The following ACTL8 variants were observed in gnomAD, a reference collection of about 807,000 sequenced individuals.
ACTL8 encodes actin like 8, also known as actin-like protein 8.
Under a neutral mutation model 9.3 loss-of-function variants are expected in ACTL8, and 3 were observed. The observed-to-expected ratio is 0.32, with a 90% CI of 0.15 to 0.83. The LOEUF (loss-of-function observed/expected upper bound fraction) is 0.83, where lower values mean the gene tolerates loss of function less well. ACTL8 is among the 40% of genes least tolerant of loss of function. ACTL8 has a pLI of 0.57. For missense variants in ACTL8, 381 were observed against 492.2 expected, an observed-to-expected ratio of 0.77 and a Z score of 2.14; for synonymous variants, 224 against 205.9, an observed-to-expected ratio of 1.09 and a Z score of -0.75.
rs1040728941 is a variant in ACTL8, at chr1:17,767,741, T to C, written c.-25+12237T>C. Among the ~76,000 whole-genome samples the C allele has an allele frequency of 2.6e-5, 4 of 152,200 alleles. No homozygotes were observed. Among genetic ancestry groups the C allele is most frequent in the African/African-American group, 9.7e-5 (4 of 41,446 alleles). ...TTTATGTGTTGCCTGCTCAGTTATG[T>C]CTCATTGTTGCCTTTATTTACTTAT... On this transcript the variant is annotated intron_variant, in intron 1 of 2. Transcript: ENST00000375406. The surrounding 1 kb of genome is among the most constrained non-coding windows in gnomAD (Gnocchi z 4.7).
chr1:17,783,522 G>A (rs1242790221), intron 1 of ACTL8, among the ~76,000 whole-genome samples: 1 of 152,086 alleles, frequency 6.6e-6, no homozygotes, highest in Non-Finnish European at 1.5e-5. Context: ...CTTAATACTT[G>A]TGTTCCATGC....
intron 1 of ACTL8, among the ~76,000 whole-genome samples, chr1:17,810,955 G>A (rs1163373509): frequency 6.6e-6 from 1 of 152,236 alleles, no homozygotes; most frequent in African/African-American, 2.4e-5. Flanking sequence ...AAACATTGGT[G>A]TAAGGGTTTT....
In ACTL8 at chr1:17,807,775, A is replaced by G. The variant is rs531781511; in HGVS notation, c.-24-15210A>G. 8.5e-5 allele frequency among the ~76,000 whole-genome samples: 13 copies of G among 152,102 alleles called. No homozygotes were observed. In the East Asian group the frequency reaches 2.3e-3, roughly 27 times the overall value. On this transcript the variant is annotated intron_variant, in intron 1 of 2. Transcript: ENST00000375406. ...AACCAAACACCACACGTTCTCACTC[A>G]TAAGTGGGAGTTGAATAATGAGAAC...
rs191473366 is a variant in ACTL8 at position 17,814,746 on chromosome 1, C to G, written c.-24-8239C>G. Among the ~76,000 whole-genome samples the G allele has an allele frequency of 3.5e-3, 538 of 151,706 alleles. 4 individuals carry two copies. The highest frequency in any genetic ancestry group is 0.012 in the African/African-American group (512 of 41,332). On this transcript the variant is annotated intron_variant, in intron 1 of 2. Coordinates refer to ENST00000375406, the MANE Select transcript of ACTL8 (RefSeq NM_030812.3). ...CATAGCAAGACTCCATATCTACCAA[C>G]AAAACAAGACAATACATACCATTAT... is the stretch of plus-strand genomic sequence containing the variant.
chr1:17,767,561 C>A lies in ACTL8; in HGVS notation c.-25+12057C>A, dbSNP rs1394980528. On this transcript the variant is annotated intron_variant, in intron 1 of 2. Transcript: ENST00000375406. The surrounding 1 kb of genome is among the most constrained non-coding windows in gnomAD (Gnocchi z 4.7). ...TAAGCCCGTGGCTGGGTGCATGGCT[C>A]CCGGGCACTGCTCTTTTGTGGCTGC... Among the ~76,000 whole-genome samples the A allele has an allele frequency of 6.6e-6, 1 of 152,136 alleles. No homozygotes were observed. Among genetic ancestry groups the A allele is most frequent in the Non-Finnish European group, 1.5e-5 (1 of 68,016 alleles).
intron 1 of ACTL8, among the ~76,000 whole-genome samples, chr1:17,765,561 T>C (rs2066038601): frequency 6.6e-6 from 1 of 152,246 alleles, no homozygotes; most frequent in Non-Finnish European, 1.5e-5. Flanking sequence ...TGGCAGGCTA[T>C]GTAGCATCTC....
intron 1 of ACTL8, among the ~76,000 whole-genome samples, chr1:17,788,402 C>G (rs930414390): frequency 6.6e-6 from 1 of 152,210 alleles, no homozygotes; most frequent in South Asian, 2.1e-4. Flanking sequence ...TGCCTCAGCT[C>G]AGAGCTTCCC....
intron 1 of ACTL8, among the ~76,000 whole-genome samples, chr1:17,761,997 A>T (rs1389910676): frequency 6.6e-6 from 1 of 151,864 alleles, no homozygotes; most frequent in Non-Finnish European, 1.5e-5. Context: ...GGTCACCTGG[A>T]TCCCAGATGC....
At chr1:17,786,545 G>T (rs1184007839) in intron 1 of ACTL8, among the ~76,000 whole-genome samples, 7 of 152,186 alleles carry the variant, frequency 4.6e-5, no homozygotes, top group Non-Finnish European at 2.9e-5. Flanking sequence ...GTTACTGTTT[G>T]TTTTTTGTGT....
chr1:17,769,236 C>T (rs2066067031), intron 1 of ACTL8, among the ~76,000 whole-genome samples: 1 of 152,106 alleles, frequency 6.6e-6, no homozygotes, highest in Non-Finnish European at 1.5e-5. Context: ...TCCCCAGTAT[C>T]CCTAGAGCAC....
At chr1:17,761,491 A>G (rs1185307011) in intron 1 of ACTL8, among the ~76,000 whole-genome samples, 1 of 151,988 alleles carries the variant, frequency 6.6e-6, no homozygotes, top group Non-Finnish European at 1.5e-5. Flanking sequence ...CTGGGTCTTC[A>G]TAGCTTCGAC....
At chr1:17,765,160 G>A (rs2066035049) in intron 1 of ACTL8, among the ~76,000 whole-genome samples, 1 of 152,216 alleles carries the variant, frequency 6.6e-6, no homozygotes, top group Non-Finnish European at 1.5e-5. Context: ...CGGGTCTGGG[G>A]CTGTGTGGAG....
At chr1:17,760,630 T>A (rs970632795) in intron 1 of ACTL8, among the ~76,000 whole-genome samples, 2 of 152,158 alleles carry the variant, frequency 1.3e-5, no homozygotes, top group Non-Finnish European at 2.9e-5. Flanking sequence ...GGTGCCCTGC[T>A]TAGAGACAAC....
intron 1 of ACTL8, among the ~76,000 whole-genome samples, chr1:17,800,583 CTTTTTTTTTTT>C (rs59143238): frequency 2.7e-4 from 19 of 69,156 alleles, no homozygotes; most frequent in East Asian, 1.1e-3. Context: ...TGGTGTCAAT[CTTTTTTTTTTT>C]TTTTTTTTTT....
At chr1:17,812,596 ATTT>A (rs34761963) in intron 1 of ACTL8, among the ~76,000 whole-genome samples, 6 of 136,268 alleles carry the variant, frequency 4.4e-5, no homozygotes, top group Admixed American at 2.2e-4. Context: ...CGCCCTGTCA[ATTT>A]TTTTTTTTTT....
Position 17,805,140 on chromosome 1 carries a change from G to A in ACTL8, c.-24-17845G>A, listed in dbSNP as rs150246871. ...CTCCAGCTCCCTTCCAGCCACACGGGGAAGCACCCACTTCAGGGCCTTTGC... is the reference window on the plus strand; with the variant it reads ...CTCCAGCTCCCTTCCAGCCACACGGAGAAGCACCCACTTCAGGGCCTTTGC... On this transcript the variant is annotated intron_variant, in intron 1 of 2. Coordinates refer to ENST00000375406, the MANE Select transcript of ACTL8 (RefSeq NM_030812.3). Among the ~76,000 whole-genome samples, 628 of 152,094 alleles carry A rather than the reference G, an allele frequency of 4.1e-3. 6 individuals are homozygous for A. Among genetic ancestry groups the A allele is most frequent in the Middle Eastern group, 0.014 (4 of 294 alleles).
intron 1 of ACTL8, among the ~76,000 whole-genome samples, chr1:17,784,377 A>G (rs2066179937): frequency 6.6e-6 from 1 of 152,198 alleles, no homozygotes; most frequent in South Asian, 2.1e-4. Context: ...ACAATTCAAC[A>G]GGAGATTTGG....
chr1:17,825,946 C>T lies in ACTL8; in HGVS notation c.528C>T (p.Ala176=), dbSNP rs202239372. The stretch of plus-strand genomic sequence containing the variant: ...CCAGCGGCAAGACGCTGGAGTTCGC[C>T]GGCCAGGATCTCTCCGCCTATCTCC... ...LPASGKTLEF[A]GQDLSAYLLK... is the part of the protein sequence containing the mutation. Residue 176 remains alanine (A), a synonymous_variant, in exon 3 of 3, where the codon GCC becomes GCT. Coordinates refer to ENST00000375406, the MANE Select transcript of ACTL8 (RefSeq NM_030812.3). 110 of 1,611,216 alleles carry T rather than the reference C, an allele frequency of 6.8e-5. No homozygotes were observed. The highest frequency in any genetic ancestry group is 4.0e-4 in the African/African-American group (30 of 75,070).
At chr1:17,763,324 C>T (rs2066020854) in intron 1 of ACTL8, among the ~76,000 whole-genome samples, 1 of 151,970 alleles carries the variant, frequency 6.6e-6, no homozygotes, top group Non-Finnish European at 1.5e-5. Flanking sequence ...CCTCTGACCT[C>T]GCTTTCAGAC....
Sources: gnomAD v4.1 joint callset for allele counts (sites outside exome capture counted in the v4.1 genomes callset) on GRCh38, gnomAD v4.1.1 for gene constraint, Gnocchi (gnomAD v3.1) non-coding constraint, MANE v1.5 for transcripts, NCBI Gene and HGNC (gene_info 2026-07-23, HGNC 2026-07-21) for gene names.